Variants in VPS13D observed in about 807,000 individuals in gnomAD.
VPS13D encodes the protein intermembrane lipid transfer protein VPS13D.
A neutral mutation model predicts 461.9 loss-of-function variants in VPS13D; 187 were observed. The ratio of observed to expected loss-of-function variants is 0.40; its 90% CI spans 0.36 to 0.46. The LOEUF is 0.46. Among genes scored for constraint, VPS13D ranks in the 20% least tolerant of loss-of-function variants. VPS13D has a pLI of 0.60. For missense variants in VPS13D, 4,711 were observed against 5,364.9 expected (o/e 0.88, Z 3.81); for synonymous variants, 1,951 against 1,986.3 (o/e 0.98, Z 0.47).
chr1:12,293,666 G>A lies in VPS13D; in HGVS notation c.5995G>A (p.Val1999Ile). 6.2e-7 allele frequency: 1 copy of A among 1,614,110 alleles called. No individual in the cohort carries two copies. The highest frequency in any genetic ancestry group is 8.5e-7 in the Non-Finnish European group (1 of 1,180,014). Residue 1999 changes from valine (V) to isoleucine (I), a missense_variant, in exon 24 of 70, where the codon GTC (valine) becomes ATC (isoleucine). By Grantham distance (29) the Val-to-Ile change is conservative. Transcript: ENST00000620676. The stretch of plus-strand genomic sequence containing the variant: ...TCAGCATTTCACTCAGCTGCAGGAT[G>A]TCTTAGGGCGCCAGCGAGCTGCTAT... ...FIQHFTQLQD[V>I]LGRQRAAIEG...
intron 67 of VPS13D, among the ~76,000 whole-genome samples, chr1:12,469,015 T>C (rs962618598): frequency 2.7e-5 from 4 of 150,642 alleles, no homozygotes; most frequent in Non-Finnish European, 5.9e-5. Context: ...GCCTGGGTGA[T>C]GGGAGTGAAA....
At chr1:12,244,209 G>A in intron 3 of VPS13D, 37 bp from the exon 4 acceptor site, 1 of 1,575,714 alleles carries the variant, frequency 6.3e-7, no homozygotes, top group Non-Finnish European at 8.6e-7. Context: ...TTAAAAATGT[G>A]TACAGATGGT....
intron 63 of VPS13D, among the ~76,000 whole-genome samples, chr1:12,406,621 G>A (rs768064988): frequency 6.6e-6 from 1 of 152,118 alleles, no homozygotes; most frequent in African/African-American, 2.4e-5. Context: ...CTTACTCTGC[G>A]GTGGAAGAAT....
intron 2 of VPS13D, among the ~76,000 whole-genome samples, chr1:12,241,880 G>A (rs962224833): frequency 6.6e-6 from 1 of 152,120 alleles, no homozygotes; most frequent in African/African-American, 2.4e-5. Flanking sequence ...GCAAATTTCT[G>A]TGCTTCAATC....
chr1:12,414,340 A>C (rs1644768446), intron 63 of VPS13D, among the ~76,000 whole-genome samples: 2 of 152,092 alleles, frequency 1.3e-5, no homozygotes, highest in Non-Finnish European at 2.9e-5. Context: ...CATAATATCA[A>C]AAAGCCTGAA....
At chr1:12,442,049 A>G in intron 65 of VPS13D, among the ~76,000 whole-genome samples, 1 of 152,224 alleles carries the variant, frequency 6.6e-6, no homozygotes. Flanking sequence ...AATAATTGAT[A>G]TAATTTAGAT....
chr1:12,249,768 A>T (rs1411705762), intron 6 of VPS13D, among the ~76,000 whole-genome samples: 2 of 151,858 alleles, frequency 1.3e-5, no homozygotes, highest in Non-Finnish European at 2.9e-5. Context: ...CTCAAAACAC[A>T]CTCTGTTTCT....
At chr1:12,459,726 C>T (rs374995301) in intron 66 of VPS13D, among the ~76,000 whole-genome samples, 7 of 152,186 alleles carry the variant, frequency 4.6e-5, no homozygotes, top group African/African-American at 9.6e-5. Flanking sequence ...ATCTGCCCGC[C>T]GCAGCCTCCC....
chr1:12,231,277 T>G (rs235239), intron 1 of VPS13D, among the ~76,000 whole-genome samples: 3,412 of 152,322 alleles, frequency 0.022, 115 homozygotes, highest in African/African-American at 0.078. Flanking sequence ...CTCTGGCCAG[T>G]CTGGCGGCCC....
intron 18 of VPS13D, among the ~76,000 whole-genome samples, chr1:12,274,687 C>G (rs1641555868): frequency 6.6e-6 from 1 of 152,200 alleles, no homozygotes; most frequent in Non-Finnish European, 1.5e-5. Flanking sequence ...GACTCTGGGG[C>G]CACACAATTG....
chr1:12,429,784 AC>A (rs1644968893), intron 65 of VPS13D, among the ~76,000 whole-genome samples: 1 of 152,208 alleles, frequency 6.6e-6, no homozygotes, highest in Non-Finnish European at 1.5e-5. Context: ...CTTAGCAGAT[AC>A]TGACCTGGCT....
chr1:12,330,994 G>A (rs929464100), intron 37 of VPS13D, among the ~76,000 whole-genome samples: 23 of 152,132 alleles, frequency 1.5e-4, no homozygotes, highest in African/African-American at 5.6e-4. Flanking sequence ...ACAAACAAAC[G>A]AAAAACCACT....
chr1:12,267,755 AGT>A, intron 14 of VPS13D, 88 bp from the exon 15 acceptor site: 3 of 1,087,682 alleles, frequency 2.8e-6, no homozygotes, highest in African/African-American at 3.1e-5. Flanking sequence ...GTGCTAAGGG[AGT>A]GTGTTGCTGA....
rs750976697 is a variant in VPS13D, at chr1:12,319,535, G to A, written c.7453G>A (p.Asp2485Asn). 3.1e-6 allele frequency: 5 copies of A among 1,614,084 alleles called. No individual in the cohort carries two copies. Among genetic ancestry groups the A allele is most frequent in the East Asian group, 2.2e-5 (1 of 44,880 alleles). ...FVVIEDVSCF[D>N]TNAIILKGTT... ...GGTCATTGAAGATGTGTCCTGCTTC[G>A]ACACCAATGCCATTATTCTGAAAGG... Residue 2485 changes from aspartate to asparagine, a missense_variant, in exon 32 of 70, where the codon GAC (aspartate) becomes AAC (asparagine). Physicochemically the swap from Asp to Asn is conservative, Grantham distance 23. Transcript: ENST00000620676.
intron 69 of VPS13D, 103 bp from the exon 70 acceptor site, chr1:12,508,790 C>A: frequency 7.7e-7 from 1 of 1,296,428 alleles, no homozygotes; most frequent in Non-Finnish European, 1.1e-6. Context: ...CGTGTACATC[C>A]CATCCTGAGA....
intron 26 of VPS13D, among the ~76,000 whole-genome samples, chr1:12,306,674 A>G (rs1220685356): frequency 7.2e-5 from 11 of 152,160 alleles, no homozygotes; most frequent in African/African-American, 1.2e-4. Context: ...ATGTAATCCT[A>G]GGATTCCATA....
intron 65 of VPS13D, among the ~76,000 whole-genome samples, chr1:12,451,987 C>T (rs1039372216): frequency 2.0e-5 from 3 of 152,146 alleles, no homozygotes; most frequent in African/African-American, 7.2e-5. Flanking sequence ...AACAGAGGCC[C>T]GCAAAGGTTA....
chr1:12,331,477 G>A (rs897306080), intron 37 of VPS13D, among the ~76,000 whole-genome samples: 2 of 151,950 alleles, frequency 1.3e-5, no homozygotes, highest in Non-Finnish European at 2.9e-5. Flanking sequence ...GGAGGCCGAG[G>A]TGGGCGGATC....
At chr1:12,246,965 CATGTTT>C (rs1358989080) in intron 5 of VPS13D, among the ~76,000 whole-genome samples, 2 of 152,256 alleles carry the variant, frequency 1.3e-5, no homozygotes, top group African/African-American at 4.8e-5. Flanking sequence ...TTTGGGTGAA[CATGTTT>C]TCAGTTGTCT....
Sources: allele counts gnomAD v4.1 joint callset (sites outside exome capture counted in the v4.1 genomes callset), GRCh38; gene constraint gnomAD v4.1.1; transcripts MANE v1.5; gene names NCBI Gene and HGNC (gene_info 2026-07-23, HGNC 2026-07-21).